The following POU6F2 variants were observed in gnomAD, a reference collection of about 807,000 sequenced individuals.
POU6F2 encodes the protein POU class 6 homeobox 2, also known as POU domain, class 6, transcription factor 2.
In POU6F2, 31 loss-of-function variants were observed where a neutral mutation model predicts 71.3. The ratio of observed to expected loss-of-function variants is 0.43; its 90% CI spans 0.33 to 0.59. The LOEUF is 0.59. Among genes scored for constraint, POU6F2 ranks in the 20% least tolerant of loss-of-function variants. POU6F2 has a pLI of 0.04. For synonymous variants in POU6F2, 347 were observed against 355.7 expected (o/e 0.98, Z 0.27); for missense variants, 783 against 856.8 (o/e 0.91, Z 1.07).
At chr7:39,379,759 C>T (rs552357622) in intron 5 of POU6F2, among the ~76,000 whole-genome samples, 20 of 152,290 alleles carry the variant, frequency 1.3e-4, no homozygotes, top group Admixed American at 1.3e-3. Flanking sequence ...CCTTGCCCTC[C>T]TATCACCAAC....
intron 4 of POU6F2, among the ~76,000 whole-genome samples, chr7:39,212,278 T>C (rs572059924): frequency 6.6e-6 from 1 of 152,302 alleles, no homozygotes; most frequent in East Asian, 1.9e-4. Flanking sequence ...AGGCTGGACA[T>C]TGGCCTTTCT....
At chr7:39,026,944 G>A (rs1789819820) in intron 1 of POU6F2, among the ~76,000 whole-genome samples, 1 of 152,016 alleles carries the variant, frequency 6.6e-6, no homozygotes. Flanking sequence ...CATAACAGAA[G>A]TCAAGTGTCT....
At chr7:39,014,030 T>C (rs1265290817) in intron 1 of POU6F2, among the ~76,000 whole-genome samples, 1 of 152,212 alleles carries the variant, frequency 6.6e-6, no homozygotes, top group Non-Finnish European at 1.5e-5. Flanking sequence ...ACCATAGGCT[T>C]ATAATAAGCT....
At chr7:39,246,544 C>G (rs928800345) in intron 4 of POU6F2, among the ~76,000 whole-genome samples, 1 of 152,126 alleles carries the variant, frequency 6.6e-6, no homozygotes, top group Non-Finnish European at 1.5e-5. Flanking sequence ...TGACCTTAGG[C>G]AAGTTATTTA....
chr7:38,985,002 A>C (rs996190306), intron 1 of POU6F2: 1 of 152,114 alleles, frequency 6.6e-6, no homozygotes, highest in Non-Finnish European at 1.5e-5. Context: ...TTTTAAAGGA[A>C]GTAGGTTTTT....
At chr7:39,254,495 A>G (rs529106664) in intron 4 of POU6F2, among the ~76,000 whole-genome samples, 1 of 152,228 alleles carries the variant, frequency 6.6e-6, no homozygotes, top group East Asian at 1.9e-4. Flanking sequence ...GGGAATCTAA[A>G]GATACTACAG....
intron 2 of POU6F2, among the ~76,000 whole-genome samples, chr7:39,179,518 C>CAT (rs1793393724): frequency 6.6e-6 from 1 of 152,082 alleles, no homozygotes; most frequent in South Asian, 2.1e-4. Context: ...TGAGACCGCA[C>CAT]GCGCGCACAT....
chr7:39,333,743 TAAA>T (rs1785706594), intron 4 of POU6F2, among the ~76,000 whole-genome samples: 1 of 151,950 alleles, frequency 6.6e-6, no homozygotes, highest in South Asian at 2.1e-4. Flanking sequence ...GTCTCAAAAA[TAAA>T]TAAATAAATA....
At chr7:39,150,171 G>A (rs928923827) in intron 2 of POU6F2, among the ~76,000 whole-genome samples, 2 of 151,882 alleles carry the variant, frequency 1.3e-5, no homozygotes, top group Admixed American at 6.6e-5. Context: ...GATTACAGGC[G>A]TAAGCCACCG....
At chr7:39,206,165 TAGA>T (rs1794007898) in intron 3 of POU6F2, among the ~76,000 whole-genome samples, 2 of 152,206 alleles carry the variant, frequency 1.3e-5, no homozygotes, top group East Asian at 1.9e-4. Flanking sequence ...TTGGTTCTTG[TAGA>T]AGAACAACAG....
intron 4 of POU6F2, among the ~76,000 whole-genome samples, chr7:39,227,051 T>G (rs774799798): frequency 6.6e-6 from 1 of 152,246 alleles, no homozygotes; most frequent in Non-Finnish European, 1.5e-5. Flanking sequence ...GCTGTGAAAT[T>G]ATTTGCCTTC....
chr7:39,238,236 C>T lies in POU6F2; in HGVS notation c.598+30616C>T, dbSNP rs933977458. Among the ~76,000 whole-genome samples the T allele has an allele frequency of 8.5e-5, 13 of 152,240 alleles. No individual in the cohort carries two copies. In the East Asian group the frequency reaches 1.9e-3, roughly 23 times the overall value. ...GTAAAATGAGCACAAAGATAGTACT[C>T]GCCAAGTGGGCTGCAGCGGAGATTA... On this transcript the variant is annotated intron_variant, in intron 4 of 9. Transcript: ENST00000518318.
intron 4 of POU6F2, among the ~76,000 whole-genome samples, chr7:39,300,083 A>G (rs1432840697): frequency 1.3e-5 from 2 of 152,092 alleles, no homozygotes; most frequent in African/African-American, 4.8e-5. Flanking sequence ...CCCACCATAT[A>G]CTGTATTTTC....
chr7:39,020,193 G>A (rs565428811), intron 1 of POU6F2, among the ~76,000 whole-genome samples: 1 of 152,216 alleles, frequency 6.6e-6, no homozygotes, highest in African/African-American at 2.4e-5. Context: ...GTGTTGACAA[G>A]GATCAAAGAT....
intron 4 of POU6F2, among the ~76,000 whole-genome samples, chr7:39,238,937 G>A (rs1315741895): frequency 2.0e-5 from 3 of 152,030 alleles, no homozygotes; most frequent in South Asian, 2.1e-4. Flanking sequence ...CATAATGTAC[G>A]GTCACATTTA....
intron 4 of POU6F2, among the ~76,000 whole-genome samples, chr7:39,240,594 A>G (rs1019187527): frequency 2.0e-5 from 3 of 152,150 alleles, no homozygotes; most frequent in African/African-American, 7.2e-5. Context: ...GAAACTTTAC[A>G]AAATGCTTAT....
At chr7:38,996,090 A>G (rs1584486801) in intron 1 of POU6F2, among the ~76,000 whole-genome samples, 2 of 123,188 alleles carry the variant, frequency 1.6e-5, no homozygotes, top group African/African-American at 6.4e-5. Flanking sequence ...CCCAGGCTGG[A>G]GTGGAATGGC....
intron 4 of POU6F2, among the ~76,000 whole-genome samples, chr7:39,232,847 T>C (rs1794600377): frequency 6.6e-6 from 1 of 152,216 alleles, no homozygotes; most frequent in South Asian, 2.1e-4. Context: ...TCAATTTCCA[T>C]GGCATTAAAC....
At chr7:39,102,214 T>C (rs1011488174) in intron 2 of POU6F2, among the ~76,000 whole-genome samples, 2 of 152,218 alleles carry the variant, frequency 1.3e-5, no homozygotes, top group South Asian at 4.1e-4. Flanking sequence ...GGTTAATTTA[T>C]TCAAAAATTA....
Sources: gnomAD v4.1 joint callset for allele counts (sites outside exome capture counted in the v4.1 genomes callset) on GRCh38, gnomAD v4.1.1 for gene constraint, MANE v1.5 for transcripts, NCBI Gene and HGNC (gene_info 2026-07-23, HGNC 2026-07-21) for gene names.